PTPRD: variants seen among roughly 807,000 people sequenced by gnomAD.
PTPRD encodes protein tyrosine phosphatase receptor type D.
PTPRD carries 34 observed loss-of-function variants against 214.5 expected under a neutral mutation model. The ratio of observed to expected loss-of-function variants is 0.16; its 90% CI spans 0.12 to 0.21. The LOEUF is 0.21. PTPRD is among the 10% of genes least tolerant of loss of function. PTPRD has a pLI of 1.00. For synonymous variants in PTPRD, 1,128 were observed against 845.7 expected (o/e 1.33, Z -5.79); for missense variants, 2,545 against 2,398.7 (o/e 1.06, Z -1.27).
At chr9:8,417,929 T>G (rs1331382958) in intron 35 of PTPRD, among the ~76,000 whole-genome samples, 1 of 152,170 alleles carries the variant, frequency 6.6e-6, no homozygotes, top group Admixed American at 6.6e-5. Flanking sequence ...TTAAATGTTT[T>G]GGGGTGATTT....
chr9:9,978,594 G>A lies in PTPRD; in HGVS notation c.-471-39984C>T, dbSNP rs181155296. ...ACACCATCAAATGACTATTATGAAT[G>A]TCCTTCAGTCCCGCAGAAAGAACTG... On this transcript the variant is annotated intron_variant, in intron 4 of 45. Transcript: ENST00000381196. 3.0e-3 allele frequency among the ~76,000 whole-genome samples: 452 copies of A among 152,158 alleles called. 11 individuals are homozygous for A. Among genetic ancestry groups the A allele is most frequent in the Admixed American group, 0.029 (442 of 15,286 alleles).
chr9:9,954,292 C>CAA (rs2093704469), intron 4 of PTPRD, among the ~76,000 whole-genome samples: 1 of 4,320 alleles, frequency 2.3e-4, no homozygotes, highest in Non-Finnish European at 4.7e-4. Flanking sequence ...GACTCTGTCT[C>CAA]AAAACAAAAA....
At chr9:9,740,915 A>G (rs1276799808) in intron 6 of PTPRD, among the ~76,000 whole-genome samples, 1 of 152,192 alleles carries the variant, frequency 6.6e-6, no homozygotes, top group Non-Finnish European at 1.5e-5. Flanking sequence ...CATAGATGGT[A>G]GTATATTCTA....
intron 8 of PTPRD, among the ~76,000 whole-genome samples, chr9:9,444,325 G>T (rs557416813): frequency 9.2e-5 from 14 of 152,224 alleles, no homozygotes; most frequent in African/African-American, 3.4e-4. Flanking sequence ...CGATAAATAT[G>T]AAAAGATTTG....
At chr9:9,794,346 T>G (rs2098988009) in intron 5 of PTPRD, among the ~76,000 whole-genome samples, 1 of 151,962 alleles carries the variant, frequency 6.6e-6, no homozygotes, top group Admixed American at 6.6e-5. Flanking sequence ...AAAGGATGCT[T>G]AGATTTTTGC....
At chr9:8,903,932 A>G (rs1473255645) in intron 11 of PTPRD, among the ~76,000 whole-genome samples, 1 of 152,184 alleles carries the variant, frequency 6.6e-6, no homozygotes, top group Non-Finnish European at 1.5e-5. Context: ...GCAGTGTCTC[A>G]TAGTAGATTT....
intron 4 of PTPRD, among the ~76,000 whole-genome samples, chr9:10,010,646 A>G (rs1260746014): frequency 6.6e-6 from 1 of 151,896 alleles, no homozygotes; most frequent in African/African-American, 2.4e-5. Context: ...AGAGGTAACC[A>G]TTAGGTCCCA....
chr9:10,534,250 T>C (rs952169816), intron 2 of PTPRD, among the ~76,000 whole-genome samples: 21 of 152,100 alleles, frequency 1.4e-4, no homozygotes, highest in African/African-American at 5.1e-4. Flanking sequence ...AATTACTCTA[T>C]GGGACCATCT....
intron 12 of PTPRD, among the ~76,000 whole-genome samples, chr9:8,664,610 C>T (rs2097133979): frequency 6.6e-6 from 1 of 152,180 alleles, no homozygotes; most frequent in Non-Finnish European, 1.5e-5. Context: ...CAGAGACCAC[C>T]AGCTCATATA....
Position 8,486,092 on chromosome 9 carries a change from T to G in PTPRD, c.2725A>C (p.Lys909Gln), listed in dbSNP as rs757956278. The change falls in exon 28 of 46, where the codon AAG becomes CAG. Residue 909 changes from lysine to glutamine, a missense_variant. Physicochemically the swap from Lys to Gln is moderately conservative, Grantham distance 53. Transcript: ENST00000381196. ...NKVGFGEEMV[K>Q]EISIPEEVPT... Reference sequence around the variant, plus strand: ...ACTTCTTCTGGAATGGAAATCTCCTTCACCATCTCCTCCCCAAAGCCCACT... The same window carrying G: ...ACTTCTTCTGGAATGGAAATCTCCTGCACCATCTCCTCCCCAAAGCCCACT... 6.2e-7 allele frequency: 1 copy of G among 1,614,162 alleles called. No individual in the cohort carries two copies. Among genetic ancestry groups the G allele is most frequent in the Non-Finnish European group, 8.5e-7 (1 of 1,180,002 alleles).
chr9:9,354,461 G>A (rs984734391), intron 9 of PTPRD, among the ~76,000 whole-genome samples: 2 of 151,698 alleles, frequency 1.3e-5, no homozygotes, highest in Admixed American at 6.6e-5. Flanking sequence ...ATAAGGTCTT[G>A]TAATATGAAA....
intron 4 of PTPRD, among the ~76,000 whole-genome samples, chr9:10,010,075 A>AT (rs1323408181): frequency 1.3e-5 from 2 of 151,692 alleles, no homozygotes; most frequent in African/African-American, 4.8e-5. Flanking sequence ...TTTATTTTTG[A>AT]TTTACACATT....
intron 2 of PTPRD, among the ~76,000 whole-genome samples, chr9:10,464,164 G>A (rs1322451030): frequency 1.3e-5 from 2 of 152,098 alleles, no homozygotes; most frequent in African/African-American, 4.8e-5. Flanking sequence ...CTTGGAAGCT[G>A]AGGCGGGTGG....
chr9:8,943,879 C>A (rs2099048369), intron 11 of PTPRD, among the ~76,000 whole-genome samples: 1 of 151,538 alleles, frequency 6.6e-6, no homozygotes, highest in Admixed American at 6.6e-5. Flanking sequence ...GCACAAGCAA[C>A]CAAAACAAAA....
intron 2 of PTPRD, among the ~76,000 whole-genome samples, chr9:10,492,940 C>A (rs1167484511): frequency 6.6e-6 from 1 of 152,022 alleles, no homozygotes; most frequent in East Asian, 1.9e-4. Context: ...AAATCACAAG[C>A]ATTCCTACAC....
At chr9:9,137,931 C>T (rs2099853523) in intron 10 of PTPRD, among the ~76,000 whole-genome samples, 1 of 152,036 alleles carries the variant, frequency 6.6e-6, no homozygotes, top group African/African-American at 2.4e-5. Context: ...TTGACTTTCC[C>T]CAAAAGAATT....
At chr9:9,025,668 C>T (rs1034382360) in intron 10 of PTPRD, among the ~76,000 whole-genome samples, 16 of 151,822 alleles carry the variant, frequency 1.1e-4, no homozygotes, top group East Asian at 3.9e-4. Context: ...AATTTGGGAG[C>T]GGGTAAGGAA....
Position 9,583,019 on chromosome 9 carries a change from G to T in PTPRD, c.-286-8238C>A, listed in dbSNP as rs185322793. On this transcript the variant is annotated intron_variant, in intron 7 of 45. Transcript: ENST00000381196. ...AAATATGTGATTAAAAATATCTACA[G>T]AAAATGTTGCCAATAAATAGTATAG... is the stretch of plus-strand genomic sequence containing the variant. Among the ~76,000 whole-genome samples the T allele has an allele frequency of 1.4e-3, 213 of 152,122 alleles. 1 individual carries two copies. The highest frequency in any genetic ancestry group is 5.0e-3 in the African/African-American group (206 of 41,566).
At chr9:9,884,438 A>G (rs957277770) in intron 5 of PTPRD, among the ~76,000 whole-genome samples, 2 of 152,124 alleles carry the variant, frequency 1.3e-5, no homozygotes, top group African/African-American at 4.8e-5. Flanking sequence ...CCCTTCCTCA[A>G]TATTATAGCA....
Sources: gnomAD v4.1 joint callset for allele counts (sites outside exome capture counted in the v4.1 genomes callset) on GRCh38, gnomAD v4.1.1 for gene constraint, MANE v1.5 for transcripts, NCBI Gene and HGNC (gene_info 2026-07-23, HGNC 2026-07-21) for gene names.